UBE2E1: variants seen among roughly 807,000 people sequenced by gnomAD.
UBE2E1 encodes the protein ubiquitin conjugating enzyme E2 E1.
A neutral mutation model predicts 21.4 loss-of-function variants in UBE2E1; 6 were observed. The ratio of observed to expected loss-of-function variants is 0.28; its 90% confidence interval spans 0.15 to 0.55. UBE2E1 has a LOEUF of 0.55. Among genes scored for constraint, UBE2E1 ranks in the 20% least tolerant of loss-of-function variants. The probability of loss-of-function intolerance (pLI) is 0.93; values close to 1 mark genes in which losing one functional copy is unlikely to be tolerated. For missense variants in UBE2E1, 142 were observed against 236.5 expected (o/e 0.60, Z 2.62); for synonymous variants, 87 against 82.7 (o/e 1.05, Z -0.28).
intron 3 of UBE2E1, among the ~76,000 whole-genome samples, chr3:23,865,639 A>G (rs1466753298): frequency 6.6e-6 from 1 of 152,220 alleles, no homozygotes; most frequent in South Asian, 2.1e-4. Flanking sequence ...ACCTGTGAGC[A>G]CTTGGCTGGA....
rs370715000 is a variant in UBE2E1, at chr3:23,878,450, A to C, written c.204-9117A>C. On this transcript the variant is annotated intron_variant, in intron 3 of 5. Transcript: ENST00000306627. ...CCTTCCTTTAGTCCAGGGTTCCCCAAAGCCTGGGCCACAGACCCCGTACTG... is the reference window on the plus strand; with the variant it reads ...CCTTCCTTTAGTCCAGGGTTCCCCACAGCCTGGGCCACAGACCCCGTACTG... Among the ~76,000 whole-genome samples the C allele has an allele frequency of 8.5e-5, 13 of 152,338 alleles. No individual in the cohort carries two copies. In the East Asian group the frequency reaches 1.3e-3, roughly 16 times the overall value.
Position 23,869,305 on chromosome 3 carries a change from G to T in UBE2E1, c.204-18262G>T, listed in dbSNP as rs1464978747. 2.7e-5 allele frequency among the ~76,000 whole-genome samples: 4 copies of T among 146,574 alleles called. No individual in the cohort carries two copies. The South Asian group carries it at 6.5e-4, about 24-fold the overall frequency. ...AGTCAAGATATTAGCCCTTAATCAT[G>T]AACTGAAAATACCCCCTCCAACCTT... On this transcript the variant is annotated intron_variant, in intron 3 of 5. Coordinates refer to ENST00000306627, the MANE Select transcript of UBE2E1 (RefSeq NM_003341.5).
At chr3:23,888,967 C>A in intron 4 of UBE2E1, 145 bp from the exon 5 acceptor site, 1 of 800,846 alleles carries the variant, frequency 1.2e-6, no homozygotes, top group Non-Finnish European at 1.9e-6. Context: ...TATCAATGAA[C>A]ACTTTCTAAT....
chr3:23,890,638 C>T lies in UBE2E1; in HGVS notation c.*32C>T, dbSNP rs1477830616. 1.9e-6 allele frequency: 3 copies of T among 1,597,806 alleles called. No homozygotes were observed. Among genetic ancestry groups the T allele is most frequent in the Non-Finnish European group, 2.6e-6 (3 of 1,168,608 alleles). On this transcript the variant is annotated 3_prime_UTR_variant, in exon 6 of 6. Transcript: ENST00000306627. ...GTTTCACAATTCTTACATTATTTGT[C>T]TGTCACAGAAGAGAGCTGCTTATGA...
chr3:23,851,250 T>G (rs1365167590), intron 3 of UBE2E1, among the ~76,000 whole-genome samples: 1 of 152,212 alleles, frequency 6.6e-6, no homozygotes, highest in African/African-American at 2.4e-5. Context: ...CCATTGATCT[T>G]TGTATCTATC....
At chr3:23,830,555 G>A (rs1175143360) in intron 3 of UBE2E1, among the ~76,000 whole-genome samples, 1 of 152,184 alleles carries the variant, frequency 6.6e-6, no homozygotes, top group Non-Finnish European at 1.5e-5. Context: ...GTGGGGGCAG[G>A]TTTGGGGTTT....
chr3:23,838,364 G>T (rs1700013277), intron 3 of UBE2E1, among the ~76,000 whole-genome samples: 1 of 152,166 alleles, frequency 6.6e-6, no homozygotes, highest in South Asian at 2.1e-4. Context: ...ACCATGCCTG[G>T]ACTAGCGGTT....
At chr3:23,872,091 C>G (rs984850400) in intron 3 of UBE2E1, among the ~76,000 whole-genome samples, 6 of 152,166 alleles carry the variant, frequency 3.9e-5, no homozygotes, top group African/African-American at 1.4e-4. Context: ...CCATTGAGCA[C>G]TGAGTGAACC....
chr3:23,817,744 A>C (rs1442658186), intron 3 of UBE2E1, among the ~76,000 whole-genome samples: 1 of 152,154 alleles, frequency 6.6e-6, no homozygotes, highest in Non-Finnish European at 1.5e-5. Context: ...GGAAGACAGA[A>C]AAAGGGCACT....
chr3:23,855,764 A>G (rs1288487663), intron 3 of UBE2E1, among the ~76,000 whole-genome samples: 4 of 152,072 alleles, frequency 2.6e-5, no homozygotes, highest in Non-Finnish European at 5.9e-5. Context: ...CGGGAGGCGG[A>G]GCTTGCAGTG....
At chr3:23,862,531 T>C (rs1160667751) in intron 3 of UBE2E1, among the ~76,000 whole-genome samples, 1 of 152,224 alleles carries the variant, frequency 6.6e-6, no homozygotes, top group Non-Finnish European at 1.5e-5. Flanking sequence ...CCCTGGCATA[T>C]AGTTATCCCT....
At chr3:23,884,324 C>G (rs548485510) in intron 3 of UBE2E1, among the ~76,000 whole-genome samples, 2 of 152,278 alleles carry the variant, frequency 1.3e-5, no homozygotes, top group South Asian at 4.1e-4. Context: ...CAAACTTATG[C>G]TCCTAACTGG....
rs140671680 is a variant in UBE2E1, at chr3:23,850,935, C to T, written c.204-36632C>T. ...TCCTGGGCCCAAGCAGTTTACCTGCCTCAGCCTCCCAAAGTGCTGGGATTA... is the reference window on the plus strand; with the variant it reads ...TCCTGGGCCCAAGCAGTTTACCTGCTTCAGCCTCCCAAAGTGCTGGGATTA... On this transcript the variant is annotated intron_variant, in intron 3 of 5. Transcript: ENST00000306627. Among the ~76,000 whole-genome samples the T allele has an allele frequency of 1.4e-3, 214 of 151,558 alleles. 7 individuals carry two copies. The highest frequency in any genetic ancestry group is 0.011 in the Admixed American group (175 of 15,220).
chr3:23,865,565 G>A lies in UBE2E1; in HGVS notation c.204-22002G>A, dbSNP rs1229985613. Among the ~76,000 whole-genome samples, 25 of 152,132 alleles carry A rather than the reference G, an allele frequency of 1.6e-4. 1 individual carries two copies. The highest frequency in any genetic ancestry group is 1.6e-3 in the Admixed American group (25 of 15,276). On this transcript the variant is annotated intron_variant, in intron 3 of 5. Transcript: ENST00000306627. The stretch of plus-strand genomic sequence containing the variant: ...GATGAGGTCTCACAATGTTGCCCAT[G>A]CTGGTCCCTAACTCCTGGGCTCAAG...
At chr3:23,844,783 A>T (rs1430515701) in intron 3 of UBE2E1, among the ~76,000 whole-genome samples, 4 of 152,156 alleles carry the variant, frequency 2.6e-5, no homozygotes, top group African/African-American at 4.8e-5. Context: ...CTTAGGTGTT[A>T]TGCGTGGGAG....
rs1700595548 is a variant in UBE2E1, at chr3:23,863,485, G to A, written c.204-24082G>A. Among the ~76,000 whole-genome samples the A allele has an allele frequency of 6.6e-6, 1 of 151,958 alleles. No homozygotes were observed. Among genetic ancestry groups the A allele is most frequent in the South Asian group, 2.1e-4 (1 of 4,796 alleles). On this transcript the variant is annotated intron_variant, in intron 3 of 5. Coordinates refer to ENST00000306627, the MANE Select transcript of UBE2E1 (RefSeq NM_003341.5). The surrounding 1 kb of genome is among the most constrained non-coding windows in gnomAD (Gnocchi z 4.3). ...CAGATGCCTTCACAATTATCTAAAA[G>A]TCCTCAAAAGACATTCAGATGCATA...
In UBE2E1 at chr3:23,842,195, AGG is replaced by A. The variant is rs35613446; in HGVS notation, c.203+30688_203+30689del. Among the ~76,000 whole-genome samples the A allele has an allele frequency of 0.02, 800 of 39,396 alleles. 6 individuals carry two copies. The highest frequency in any genetic ancestry group is 0.045 in the Middle Eastern group (3 of 66). 25.8% of individuals were successfully genotyped at this position (39,396 alleles called of 152,430 possible). On this transcript the variant is annotated intron_variant, in intron 3 of 5. Transcript: ENST00000306627. The surrounding 1 kb of genome is among the most constrained non-coding windows in gnomAD (Gnocchi z 4.6). ...AACTATGTCATGACCCAGTAAGTGAAGGGGTGTGTGTGTGTGTGTGTGTGTGT... is the reference window on the plus strand; with the variant it reads ...AACTATGTCATGACCCAGTAAGTGAAGGTGTGTGTGTGTGTGTGTGTGTGT...
intron 3 of UBE2E1, among the ~76,000 whole-genome samples, chr3:23,877,490 T>C (rs1030433319): frequency 6.6e-6 from 1 of 152,230 alleles, no homozygotes; most frequent in Middle Eastern, 3.4e-3. Flanking sequence ...CATTGTAGGA[T>C]GTTTAGCAAC....
rs758117700 is a variant in UBE2E1, at chr3:23,857,247, GT to G, written c.204-30310del. 1.5e-3 allele frequency among the ~76,000 whole-genome samples: 231 copies of G among 149,224 alleles called. No individual in the cohort carries two copies. The Middle Eastern group carries it at 0.024, about 15-fold the overall frequency. On this transcript the variant is annotated intron_variant, in intron 3 of 5. Transcript: ENST00000306627. Reference sequence around the variant, plus strand: ...CAGGAGTATGTTTTAGAGTCTGGTGGTTTTTTTTTTCTTTCTGCATAGGAAA... The same window carrying G: ...CAGGAGTATGTTTTAGAGTCTGGTGGTTTTTTTTTCTTTCTGCATAGGAAA...
Sources: gnomAD v4.1 joint callset for allele counts (sites outside exome capture counted in the v4.1 genomes callset) on GRCh38, gnomAD v4.1.1 for gene constraint, Gnocchi (gnomAD v3.1) non-coding constraint, MANE v1.5 for transcripts, NCBI Gene and HGNC (gene_info 2026-07-23, HGNC 2026-07-21) for gene names.